WDPCP: variants seen among roughly 807,000 people sequenced by gnomAD.
WDPCP encodes WD repeat-containing and planar cell polarity effector protein fritz homolog.
WDPCP carries 71 observed loss-of-function variants against 93.1 expected under a neutral mutation model. The observed-to-expected ratio is 0.76, with a 90% confidence interval of 0.63 to 0.93. The LOEUF (loss-of-function observed/expected upper bound fraction) is 0.93, where lower values mean the gene tolerates loss of function less well. WDPCP is among the 40% of genes least tolerant of loss of function. The pLI is 0.00. For synonymous variants in WDPCP, 315 were observed against 315.0 expected, an observed-to-expected ratio of 1.00 and a Z score of 0.00; for missense variants, 844 against 887.4, an observed-to-expected ratio of 0.95 and a Z score of 0.62.
At chr2:63,646,386 A>C (rs1710050389) in intron 3 of WDPCP, among the ~76,000 whole-genome samples, 1 of 152,028 alleles carries the variant, frequency 6.6e-6, no homozygotes, top group South Asian at 2.1e-4. Context: ...CATAGTTACA[A>C]TTTTTTATTG....
intron 12 of WDPCP, among the ~76,000 whole-genome samples, chr2:63,353,706 G>A (rs1024549288): frequency 7.9e-5 from 12 of 152,136 alleles, no homozygotes; most frequent in African/African-American, 2.7e-4. Context: ...TCCTACAGGT[G>A]TCTTTGGGCT....
chr2:63,551,843 A>G (rs1033530818), intron 1 of WDPCP, among the ~76,000 whole-genome samples: 1 of 151,852 alleles, frequency 6.6e-6, no homozygotes, highest in Non-Finnish European at 1.5e-5. Flanking sequence ...TTTTTTTATA[A>G]TGTGCCAGAT....
In WDPCP at chr2:63,435,250, GC is replaced by G. The variant is rs148076587; in HGVS notation, c.634-1315del. Reference sequence around the variant, plus strand: ...TCAATAGTTTAAGGATGTTTACTCTGCAATTTTCTTTGCCAAAATTATGTCA... The same window carrying G: ...TCAATAGTTTAAGGATGTTTACTCTGAATTTTCTTTGCCAAAATTATGTCA... On this transcript the variant is annotated intron_variant, in intron 8 of 17. Coordinates refer to ENST00000272321, the MANE Select transcript of WDPCP (RefSeq NM_015910.7). Among the ~76,000 whole-genome samples, 42 of 152,140 alleles carry G rather than the reference GC, an allele frequency of 2.8e-4. No individual in the cohort carries two copies. The East Asian group carries it at 7.8e-3, about 28-fold the overall frequency.
At chr2:63,478,381 A>G (rs569761566) in intron 6 of WDPCP, among the ~76,000 whole-genome samples, 33 of 152,248 alleles carry the variant, frequency 2.2e-4, no homozygotes, top group African/African-American at 7.7e-4. Context: ...ACAACTGCAG[A>G]ATATACATTC....
rs114901622 is a variant in WDPCP, at chr2:63,685,597, C to A, written n.309-34759G>T. ...TAGGTGAAGGGAATACTTCCAAATG[C>A]GTTCTGTGACGACAGTATAATCCCG... is the stretch of plus-strand genomic sequence containing the variant. On this transcript the variant is annotated intron_variant and non_coding_transcript_variant, in intron 2 of 4. Coordinates refer to the WDPCP transcript ENST00000467687. 1.4e-4 allele frequency among the ~76,000 whole-genome samples: 21 copies of A among 152,234 alleles called. No homozygotes were observed. In the East Asian group the frequency reaches 3.7e-3, roughly 27 times the overall value.
intron 12 of WDPCP, among the ~76,000 whole-genome samples, chr2:63,374,511 T>C (rs1009726958): frequency 6.6e-6 from 1 of 152,200 alleles, no homozygotes; most frequent in Non-Finnish European, 1.5e-5. Context: ...AATGATTTCA[T>C]ACAAATGTTG....
chr2:63,449,313 A>G (rs964907947), intron 6 of WDPCP, among the ~76,000 whole-genome samples: 7 of 152,206 alleles, frequency 4.6e-5, no homozygotes, highest in Non-Finnish European at 1.0e-4. Context: ...TGGAACTGCA[A>G]TAAGTGTCAA....
chr2:63,715,849 TG>T (rs1236432174), intron 2 of WDPCP, among the ~76,000 whole-genome samples: 1 of 152,186 alleles, frequency 6.6e-6, no homozygotes, highest in African/African-American at 2.4e-5. Context: ...CTTAAGGTTT[TG>T]GGACCTAGAC....
intron 9 of WDPCP, among the ~76,000 whole-genome samples, chr2:63,414,460 TAC>T (rs1262446826): frequency 7.0e-6 from 1 of 142,880 alleles, no homozygotes; most frequent in South Asian, 2.3e-4. Context: ...GATATATATA[TAC>T]ACACACATAT....
rs577442814 is a variant in WDPCP, at chr2:63,484,519, C to G, written c.384+85G>C. On this transcript the variant is annotated intron_variant, in intron 6 of 17. Transcript: ENST00000272321. ...CTGCTAAAAAAGTTTTTGTCCATTA[C>G]CTAACATAACACAAGAATACCAATT... 2.0e-6 allele frequency: 3 copies of G among 1,536,264 alleles called. No individual in the cohort carries two copies. In the South Asian group the frequency reaches 3.4e-5, roughly 17 times the overall value.
intron 14 of WDPCP, among the ~76,000 whole-genome samples, chr2:63,224,777 T>C (rs1002815558): frequency 3.3e-5 from 5 of 151,886 alleles, no homozygotes; most frequent in Admixed American, 3.3e-4. Flanking sequence ...CTAAGGACAG[T>C]GAAACTAGTC....
intron 2 of WDPCP, among the ~76,000 whole-genome samples, chr2:63,795,054 G>T (rs1670593951): frequency 6.6e-6 from 1 of 152,162 alleles, no homozygotes. Context: ...TTAACTGCTG[G>T]AATACTCTAC....
intron 17 of WDPCP, among the ~76,000 whole-genome samples, chr2:63,147,917 A>G (rs1671631591): frequency 6.7e-6 from 1 of 150,162 alleles, no homozygotes; most frequent in African/African-American, 2.5e-5. Flanking sequence ...GCAGTGAGCC[A>G]AGATCGTGCC....
At chr2:63,704,555 T>C (rs1341405186) in intron 2 of WDPCP, among the ~76,000 whole-genome samples, 1 of 152,238 alleles carries the variant, frequency 6.6e-6, no homozygotes, top group Non-Finnish European at 1.5e-5. Flanking sequence ...ATTGAGATAA[T>C]CATGTGGTTT....
intron 1 of WDPCP, among the ~76,000 whole-genome samples, chr2:63,557,272 C>T (rs754493552): frequency 6.6e-6 from 1 of 152,138 alleles, no homozygotes; most frequent in Non-Finnish European, 1.5e-5. Context: ...ACCCATCTCA[C>T]GTGCAAAGAC....
intron 2 of WDPCP, among the ~76,000 whole-genome samples, chr2:63,755,319 T>A (rs1312817762): frequency 6.6e-6 from 1 of 152,200 alleles, no homozygotes; most frequent in Non-Finnish European, 1.5e-5. Context: ...TGGGAGGTTT[T>A]TAAGGACAAA....
At chr2:63,471,115 T>A (rs182340576) in intron 6 of WDPCP, among the ~76,000 whole-genome samples, 1 of 152,214 alleles carries the variant, frequency 6.6e-6, no homozygotes, top group Non-Finnish European at 1.5e-5. Flanking sequence ...TCCTTATTCA[T>A]CTTTTCTTGA....
intron 1 of WDPCP, among the ~76,000 whole-genome samples, chr2:63,553,115 T>C (rs1029489442): frequency 5.3e-5 from 8 of 152,172 alleles, no homozygotes; most frequent in Non-Finnish European, 1.0e-4. Flanking sequence ...TGTTTAGTTC[T>C]CCCCACACCA....
intron 12 of WDPCP, among the ~76,000 whole-genome samples, chr2:63,367,635 G>A (rs1691021297): frequency 1.3e-5 from 2 of 152,110 alleles, no homozygotes; most frequent in South Asian, 4.1e-4. Context: ...ATAGATCTAT[G>A]TTTATTAACA....
Sources: allele counts gnomAD v4.1 joint callset (sites outside exome capture counted in the v4.1 genomes callset), GRCh38; gene constraint gnomAD v4.1.1; transcripts MANE v1.5; gene names NCBI Gene and HGNC (gene_info 2026-07-23, HGNC 2026-07-21).